Variants in NDFIP2 observed in about 807,000 individuals in gnomAD.
The protein encoded by NDFIP2 is NEDD4 family-interacting protein 2.
Under a neutral mutation model 36.0 loss-of-function variants are expected in NDFIP2, and 19 were observed. The observed-to-expected ratio is 0.53, with a 90% CI of 0.37 to 0.77. The LOEUF (loss-of-function observed/expected upper bound fraction) is 0.77, where lower values mean the gene tolerates loss of function less well. Ranked by LOEUF, NDFIP2 falls within the 30% of genes least tolerant of loss-of-function variation. The pLI is 0.00. For synonymous variants in NDFIP2, 181 were observed against 167.7 expected (o/e 1.08, Z -0.61); for missense variants, 446 against 435.8 (o/e 1.02, Z -0.21).
intron 2 of NDFIP2, among the ~76,000 whole-genome samples, chr13:79,530,436 A>G (rs1874970936): frequency 6.6e-6 from 1 of 152,154 alleles, no homozygotes; most frequent in African/African-American, 2.4e-5. Context: ...GCAATTTGTT[A>G]AAATAAGACA....
chr13:79,515,552 A>G (rs1393493909), intron 1 of NDFIP2, among the ~76,000 whole-genome samples: 2 of 152,208 alleles, frequency 1.3e-5, no homozygotes, highest in East Asian at 1.9e-4. Flanking sequence ...GGTTTAGTGG[A>G]AAAGACATTT....
At chr13:79,533,509 A>G in intron 3 of NDFIP2, 53 bp downstream of exon 3, 2 of 1,487,542 alleles carry the variant, frequency 1.3e-6, no homozygotes, top group Non-Finnish European at 1.8e-6. Flanking sequence ...TAATTGATAT[A>G]TACATTTAGT....
chr13:79,509,487 A>G (rs940204644), intron 1 of NDFIP2, among the ~76,000 whole-genome samples: 28 of 152,294 alleles, frequency 1.8e-4, no homozygotes, highest in African/African-American at 6.5e-4. Context: ...GCTTCTTATC[A>G]GACCTACAGA....
At chr13:79,484,076 C>T (rs948968562) in intron 1 of NDFIP2, among the ~76,000 whole-genome samples, 1 of 151,846 alleles carries the variant, frequency 6.6e-6, no homozygotes, top group Admixed American at 6.6e-5. Flanking sequence ...AGTGCAGTGG[C>T]GTGATCTCGG....
At chr13:79,529,582 A>C (rs1225773144) in intron 2 of NDFIP2, among the ~76,000 whole-genome samples, 1 of 152,174 alleles carries the variant, frequency 6.6e-6, no homozygotes, top group Non-Finnish European at 1.5e-5. Flanking sequence ...ATCTTTTCTA[A>C]GAATTTGACT....
chr13:79,489,401 TTCATAATG>T (rs1259493266), intron 1 of NDFIP2, among the ~76,000 whole-genome samples: 2 of 152,178 alleles, frequency 1.3e-5, no homozygotes, highest in Non-Finnish European at 2.9e-5. Context: ...GGCTTGGAAA[TTCATAATG>T]TCATTTTTGC....
intron 1 of NDFIP2, among the ~76,000 whole-genome samples, chr13:79,509,159 T>C (rs1049062069): frequency 1.3e-5 from 2 of 152,208 alleles, no homozygotes; most frequent in African/African-American, 4.8e-5. Context: ...CAGGAGGTCC[T>C]GACAACATGT....
intron 1 of NDFIP2, among the ~76,000 whole-genome samples, chr13:79,501,570 GTA>G (rs1245577256): frequency 6.6e-6 from 1 of 152,070 alleles, no homozygotes; most frequent in East Asian, 1.9e-4. Flanking sequence ...GTGATAGTGT[GTA>G]TATATGTGTT....
rs537711475 is a variant in NDFIP2 at position 79,554,846 on chromosome 13, A to C, written c.*2333A>C. ...TGGGGATTGGAAGTTAATACAAAAA[A>C]ATTTCAAATTATTTCTATTGTAAAT... On this transcript the variant is annotated 3_prime_UTR_variant, in exon 8 of 8. Transcript: ENST00000218652. 1 of 152,110 alleles carries C rather than the reference A, an allele frequency of 6.6e-6. No individual in the cohort carries two copies. The highest frequency in any genetic ancestry group is 2.4e-5 in the African/African-American group (1 of 41,550). 9.4% of individuals were successfully genotyped at this position (152,110 alleles called of 1,614,324 possible).
chr13:79,551,382 T>C (rs548706677), intron 7 of NDFIP2, among the ~76,000 whole-genome samples: 1 of 151,500 alleles, frequency 6.6e-6, no homozygotes, highest in Non-Finnish European at 1.5e-5. Flanking sequence ...AATCAGACTT[T>C]TAAAACTTCT....
In NDFIP2 at chr13:79,499,536, ATT is replaced by A. The variant is rs1387942604; in HGVS notation, c.321+18013_321+18014del. Among the ~76,000 whole-genome samples, 5 of 152,116 alleles carry A rather than the reference ATT, an allele frequency of 3.3e-5. No homozygotes were observed. The East Asian group carries it at 9.6e-4, about 29-fold the overall frequency. On this transcript the variant is annotated intron_variant, in intron 1 of 7. Transcript: ENST00000218652. Reference sequence around the variant, plus strand: ...GGAACTAATAAGTGATTATAGCAAGATTGCAGGATAAATGGTTAATATACAAA... The same window carrying A: ...GGAACTAATAAGTGATTATAGCAAGAGCAGGATAAATGGTTAATATACAAA...
chr13:79,494,353 A>G (rs1873356817), intron 1 of NDFIP2, among the ~76,000 whole-genome samples: 1 of 152,114 alleles, frequency 6.6e-6, no homozygotes, highest in African/African-American at 2.4e-5. Context: ...TTTACATTTT[A>G]TGACTGAAAA....
At chr13:79,517,909 G>A (rs971425015) in intron 1 of NDFIP2, among the ~76,000 whole-genome samples, 5 of 152,052 alleles carry the variant, frequency 3.3e-5, no homozygotes, top group Admixed American at 6.6e-5. Flanking sequence ...AAGATTTTTC[G>A]TTTGTAAAGC....
chr13:79,520,693 C>A, intron 1 of NDFIP2, 117 bp from the exon 2 acceptor site: 1 of 923,770 alleles, frequency 1.1e-6, no homozygotes, highest in Non-Finnish European at 1.5e-6. Flanking sequence ...TCTAAAAATG[C>A]CATTTTCTTT....
chr13:79,492,437 TG>T (rs1341496720), intron 1 of NDFIP2, among the ~76,000 whole-genome samples: 2 of 152,068 alleles, frequency 1.3e-5, no homozygotes, highest in Non-Finnish European at 2.9e-5. Context: ...AGAGTCTCGC[TG>T]TGTCACCCAG....
At chr13:79,544,492 GTT>G (rs10714865) in intron 5 of NDFIP2, among the ~76,000 whole-genome samples, 9 of 142,340 alleles carry the variant, frequency 6.3e-5, no homozygotes, top group African/African-American at 1.5e-4. Flanking sequence ...TTTCTTCCTA[GTT>G]TTTTTTTTTT....
chr13:79,533,858 A>G (rs1281231137), intron 3 of NDFIP2, among the ~76,000 whole-genome samples: 1 of 152,118 alleles, frequency 6.6e-6, no homozygotes, highest in Admixed American at 6.6e-5. Flanking sequence ...CAAATTTTCT[A>G]CCGCATGCAG....
At chr13:79,520,135 C>G (rs564810478) in intron 1 of NDFIP2, among the ~76,000 whole-genome samples, 2 of 152,248 alleles carry the variant, frequency 1.3e-5, no homozygotes, top group African/African-American at 2.4e-5. Flanking sequence ...TTGGGAAAAC[C>G]TACTTAGCGT....
chr13:79,548,441 A>G lies in NDFIP2; in HGVS notation c.907+47A>G. The G allele has an allele frequency of 2.2e-6, 3 of 1,356,882 alleles. No individual in the cohort carries two copies. The East Asian group carries it at 6.9e-5, about 31-fold the overall frequency. The allele number at this position is 1,356,882 out of a possible 1,614,324, so 84.1% of individuals were successfully genotyped here. On this transcript the variant is annotated intron_variant, in intron 6 of 7. Transcript: ENST00000218652. Reference sequence around the variant, plus strand: ...TTAGTTTAACTTGGATATTTCCAAAAACTGTAAGATGTAAATAAACTGTGT... The same window carrying G: ...TTAGTTTAACTTGGATATTTCCAAAGACTGTAAGATGTAAATAAACTGTGT...
Sources: gnomAD v4.1 joint callset for allele counts (sites outside exome capture counted in the v4.1 genomes callset) on GRCh38, gnomAD v4.1.1 for gene constraint, MANE v1.5 for transcripts, NCBI Gene and HGNC (gene_info 2026-07-23, HGNC 2026-07-21) for gene names.